RAB8B: variants seen among roughly 807,000 people sequenced by gnomAD.
RAB8B encodes the protein ras-related protein Rab-8B.
RAB8B carries 11 observed loss-of-function variants against 32.0 expected under a neutral mutation model. That is an observed-to-expected ratio of 0.34 (90% CI 0.22 to 0.57). The LOEUF is 0.57. Ranked by LOEUF, RAB8B falls within the 20% of genes least tolerant of loss-of-function variation. The probability of loss-of-function intolerance (pLI) is 0.86; values close to 1 mark genes in which losing one functional copy is unlikely to be tolerated. For synonymous variants in RAB8B, 103 were observed against 89.6 expected (o/e 1.15, Z -0.85); for missense variants, 190 against 258.5 (o/e 0.73, Z 1.82).
At chr15:63,245,717 A>G (rs1384016124) in intron 2 of RAB8B, among the ~76,000 whole-genome samples, 1 of 152,210 alleles carries the variant, frequency 6.6e-6, no homozygotes, top group East Asian at 1.9e-4. Context: ...TTGGGAACAG[A>G]AGTGTTTCCG....
chr15:63,232,557 C>T (rs1167213410), intron 1 of RAB8B, among the ~76,000 whole-genome samples: 2 of 152,084 alleles, frequency 1.3e-5, no homozygotes, highest in Non-Finnish European at 2.9e-5. Flanking sequence ...AGTGTAAAGC[C>T]GTTCAGCTTT....
intron 1 of RAB8B, among the ~76,000 whole-genome samples, chr15:63,220,203 G>A (rs1415240401): frequency 2.0e-5 from 3 of 152,170 alleles, no homozygotes; most frequent in Non-Finnish European, 1.5e-5. Context: ...CTAAGTTAAC[G>A]TGGTTAGAAT....
chr15:63,255,976 T>C (rs900427680), intron 4 of RAB8B, among the ~76,000 whole-genome samples: 1 of 152,228 alleles, frequency 6.6e-6, no homozygotes, highest in African/African-American at 2.4e-5. Flanking sequence ...ATTATCTCTT[T>C]ACCTTGGCAA....
chr15:63,218,648 T>A (rs2037813745), intron 1 of RAB8B, among the ~76,000 whole-genome samples: 1 of 152,238 alleles, frequency 6.6e-6, no homozygotes, highest in East Asian at 1.9e-4. Context: ...ACCACACTAC[T>A]GAACTCTTCT....
At chr15:63,223,463 T>C (rs964392289) in intron 1 of RAB8B, among the ~76,000 whole-genome samples, 3 of 152,214 alleles carry the variant, frequency 2.0e-5, no homozygotes, top group Admixed American at 6.5e-5. Flanking sequence ...TATGTTTAGA[T>C]ATGTTTAAAC....
At chr15:63,235,448 A>G (rs1307637020) in intron 1 of RAB8B, among the ~76,000 whole-genome samples, 1 of 152,116 alleles carries the variant, frequency 6.6e-6, no homozygotes. Flanking sequence ...AGAATTTCAA[A>G]AACTTTTAGA....
chr15:63,266,498 A>G lies in RAB8B; in HGVS notation c.*2879A>G, dbSNP rs1364720591. On this transcript the variant is annotated 3_prime_UTR_variant, in exon 8 of 8. Coordinates refer to ENST00000321437, the MANE Select transcript of RAB8B (RefSeq NM_016530.3). ...TTGTTATAAATTTTCAGAAGACTAT[A>G]CTCTTTACTTTGAAGGTCTATTTTT... is the stretch of plus-strand genomic sequence containing the variant. The G allele has an allele frequency of 6.6e-6, 1 of 152,472 alleles. No homozygotes were observed. Among genetic ancestry groups the G allele is most frequent in the Non-Finnish European group, 1.5e-5 (1 of 67,960 alleles). 9.4% of individuals were successfully genotyped at this position (152,472 alleles called of 1,614,324 possible). A position where few individuals can be genotyped will look rare whatever the true frequency, so the allele number is the denominator to read the frequency against.
At chr15:63,252,472 G>A (rs8025798) in intron 3 of RAB8B, among the ~76,000 whole-genome samples, 3,286 of 152,264 alleles carry the variant, frequency 0.022, 106 homozygotes, top group African/African-American at 0.075. Context: ...TCTAGCCTGC[G>A]TTCTTAACAC....
chr15:63,214,749 G>A (rs2037777866), intron 1 of RAB8B, among the ~76,000 whole-genome samples: 2 of 152,054 alleles, frequency 1.3e-5, no homozygotes, highest in Non-Finnish European at 1.5e-5. Context: ...TGTAACCCTT[G>A]AGCTGTGGGG....
chr15:63,216,292 A>C (rs922819562), intron 1 of RAB8B, among the ~76,000 whole-genome samples: 4 of 146,310 alleles, frequency 2.7e-5, no homozygotes, highest in Non-Finnish European at 4.5e-5. Flanking sequence ...GCAGCGGCAC[A>C]ATCTTGGCTC....
chr15:63,240,666 C>A (rs1006519683), intron 1 of RAB8B, among the ~76,000 whole-genome samples: 1 of 151,870 alleles, frequency 6.6e-6, no homozygotes, highest in African/African-American at 2.4e-5. Flanking sequence ...TCAGTTGGCC[C>A]TTGACAACAG....
intron 7 of RAB8B, among the ~76,000 whole-genome samples, chr15:63,262,974 T>G (rs997310091): frequency 3.9e-5 from 6 of 152,142 alleles, no homozygotes; most frequent in African/African-American, 1.4e-4. Context: ...TGAATTTTGA[T>G]GAGAATAATG....
chr15:63,242,238 C>A (rs1168714765), intron 1 of RAB8B, among the ~76,000 whole-genome samples: 3 of 151,548 alleles, frequency 2.0e-5, no homozygotes, highest in Admixed American at 2.0e-4. Flanking sequence ...GGGAAAAGTA[C>A]CACACAGAGA....
chr15:63,203,027 G>T (rs1439683482), intron 1 of RAB8B, among the ~76,000 whole-genome samples: 1 of 152,232 alleles, frequency 6.6e-6, no homozygotes, highest in African/African-American at 2.4e-5. Flanking sequence ...GGCCCAAAAA[G>T]ATTAGGAGCA....
rs768195613 is a variant in RAB8B at position 63,259,629 on chromosome 15, A to G, written c.417A>G (p.Leu139=). The change falls in exon 6 of 8, where the codon CTA becomes CTG. Residue 139 remains leucine (L), a splice_region_variant and synonymous_variant. Transcript: ENST00000321437. This position sits in a 1 kb window ranked among gnomAD's most constrained non-coding sequence, Gnocchi z 4.4. ...RQVSKERGEK[L]AIDYGIKFLE... ...AAATATTTCTGTTTACTTTTCAGCTAGCAATTGACTATGGGATTAAATTCT... is the reference window on the plus strand; with the variant it reads ...AAATATTTCTGTTTACTTTTCAGCTGGCAATTGACTATGGGATTAAATTCT... 5.0e-6 allele frequency: 8 copies of G among 1,612,494 alleles called. No homozygotes were observed. Among genetic ancestry groups the G allele is most frequent in the Non-Finnish European group, 6.8e-6 (8 of 1,178,624 alleles).
intron 3 of RAB8B, among the ~76,000 whole-genome samples, chr15:63,251,586 A>C (rs1410214038): frequency 6.6e-6 from 1 of 152,212 alleles, no homozygotes; most frequent in African/African-American, 2.4e-5. Flanking sequence ...TAATTTACTT[A>C]CTGCCTAGTC....
chr15:63,248,854 A>G lies in RAB8B; in HGVS notation c.186-791A>G, dbSNP rs2038092166. On this transcript the variant is annotated intron_variant, in intron 2 of 7. Transcript: ENST00000321437. The surrounding 1 kb of genome is among the most constrained non-coding windows in gnomAD (Gnocchi z 4.4). ...TGCAATTAAATTGTCTTAGTAGCAC[A>G]GGGAATGAATTAGTTCTGGCTGGAA... Among the ~76,000 whole-genome samples the G allele has an allele frequency of 6.6e-6, 1 of 152,172 alleles. No individual in the cohort carries two copies. The highest frequency in any genetic ancestry group is 2.4e-5 in the African/African-American group (1 of 41,446).
At chr15:63,234,782 A>C (rs1007849964) in intron 1 of RAB8B, among the ~76,000 whole-genome samples, 1 of 152,154 alleles carries the variant, frequency 6.6e-6, no homozygotes, top group South Asian at 2.1e-4. Flanking sequence ...TCCTGGCCCA[A>C]ACCTCCCACC....
rs977703306 is a variant in RAB8B at position 63,248,478 on chromosome 15, C to T, written c.186-1167C>T. On this transcript the variant is annotated intron_variant, in intron 2 of 7. Coordinates refer to ENST00000321437, the MANE Select transcript of RAB8B (RefSeq NM_016530.3). This position sits in a 1 kb window ranked among gnomAD's most constrained non-coding sequence, Gnocchi z 4.4. ...AGTGAGCCAGGATTGTGCCACTGGA[C>T]CCCAGCCTGGGTGACAGAGCGAGAC... 6.6e-6 allele frequency among the ~76,000 whole-genome samples: 1 copy of T among 152,118 alleles called. No homozygotes were observed. Among genetic ancestry groups the T allele is most frequent in the East Asian group, 1.9e-4 (1 of 5,192 alleles).
Sources: gnomAD v4.1 joint callset for allele counts (sites outside exome capture counted in the v4.1 genomes callset) on GRCh38, gnomAD v4.1.1 for gene constraint, Gnocchi (gnomAD v3.1) non-coding constraint, MANE v1.5 for transcripts, NCBI Gene and HGNC (gene_info 2026-07-23, HGNC 2026-07-21) for gene names.